The following PTPRN2 variants were observed in gnomAD, a reference collection of about 807,000 sequenced individuals.
The protein encoded by PTPRN2 is protein tyrosine phosphatase receptor type N2.
Under a neutral mutation model 118.8 loss-of-function variants are expected in PTPRN2, and 74 were observed. The observed-to-expected ratio is 0.62, with a 90% CI of 0.52 to 0.76. PTPRN2 has a LOEUF of 0.76. Ranked by LOEUF, PTPRN2 falls within the 30% of genes least tolerant of loss-of-function variation. The probability of loss-of-function intolerance (pLI) is 0.00; values close to 1 mark genes in which losing one functional copy is unlikely to be tolerated. For synonymous variants in PTPRN2, 641 were observed against 608.0 expected (o/e 1.05, Z -0.80); for missense variants, 1,481 against 1,394.4 (o/e 1.06, Z -0.99).
At chr7:158,264,329 T>A (rs1413922329) in intron 3 of PTPRN2, among the ~76,000 whole-genome samples, 1 of 152,076 alleles carries the variant, frequency 6.6e-6, no homozygotes, top group African/African-American at 2.4e-5. Flanking sequence ...AGTTAGACAA[T>A]CATTTACCAC....
chr7:157,751,674 G>C (rs1563072171), intron 12 of PTPRN2, among the ~76,000 whole-genome samples: 1 of 152,126 alleles, frequency 6.6e-6, no homozygotes, highest in Non-Finnish European at 1.5e-5. Context: ...CTGCACCGCT[G>C]ACACGCGGTG....
chr7:158,517,311 G>GC lies in PTPRN2; in HGVS notation c.113-27527dup. On this transcript the variant is annotated intron_variant, in intron 1 of 22. Transcript: ENST00000389418. This position sits in a 1 kb window ranked among gnomAD's most constrained non-coding sequence, Gnocchi z 5.3. ...TTGGAGGAGGCAGAGTGCGGGCAGCGCCCCCTCACAGAACCGCAGCAACGA... is the reference window on the plus strand; with the variant it reads ...TTGGAGGAGGCAGAGTGCGGGCAGCGCCCCCCTCACAGAACCGCAGCAACGA... Among the ~76,000 whole-genome samples, 1 of 152,276 alleles carries GC rather than the reference G, an allele frequency of 6.6e-6. No homozygotes were observed. Among genetic ancestry groups the GC allele is most frequent in the South Asian group, 2.1e-4 (1 of 4,828 alleles).
Position 158,205,390 on chromosome 7 carries a change from T to C in PTPRN2, c.278-117A>G, listed in dbSNP as rs113103903. ...TAAGTTGATGGTCCCATCAGCAAAGTAAGCCTCCCTCTCACTGCAGTTTAT... is the reference window on the plus strand; with the variant it reads ...TAAGTTGATGGTCCCATCAGCAAAGCAAGCCTCCCTCTCACTGCAGTTTAT... On this transcript the variant is annotated intron_variant, in intron 3 of 22. Coordinates refer to ENST00000389418, the MANE Select transcript of PTPRN2 (RefSeq NM_002847.5). 4 of 703,238 alleles carry C rather than the reference T, an allele frequency of 5.7e-6. No homozygotes were observed. The African/African-American group carries it at 7.0e-5, about 12-fold the overall frequency. 43.6% of individuals were successfully genotyped at this position (703,238 alleles called of 1,614,324 possible). A position where few individuals can be genotyped will look rare whatever the true frequency, so the allele number is the denominator to read the frequency against.
chr7:157,823,551 A>G (rs1357614588), intron 12 of PTPRN2, among the ~76,000 whole-genome samples: 1 of 152,126 alleles, frequency 6.6e-6, no homozygotes, highest in African/African-American at 2.4e-5. Context: ...GAGAGACTAG[A>G]ATTGGACTCC....
At chr7:158,270,835 A>ACGGC (rs1798349394) in intron 3 of PTPRN2, among the ~76,000 whole-genome samples, 2 of 4,828 alleles carry the variant, frequency 4.1e-4, no homozygotes, top group Admixed American at 3.3e-3. Context: ...CACCTGGATG[A>ACGGC]CCCCCTCACC....
chr7:158,362,109 C>T (rs1045906103), intron 2 of PTPRN2, among the ~76,000 whole-genome samples: 33 of 152,204 alleles, frequency 2.2e-4, no homozygotes, highest in Non-Finnish European at 4.4e-4. Flanking sequence ...ACAAACAGCC[C>T]AGCCCAGACT....
chr7:158,119,481 A>T (rs1816976413), intron 9 of PTPRN2, among the ~76,000 whole-genome samples: 3 of 152,198 alleles, frequency 2.0e-5, no homozygotes, highest in African/African-American at 7.2e-5. Flanking sequence ...ACTCCTCAAA[A>T]AAATGAAAAA....
At chr7:157,864,088 C>T (rs572570184) in intron 12 of PTPRN2, 18 of 152,398 alleles carry the variant, frequency 1.2e-4, no homozygotes, top group East Asian at 3.9e-4. Flanking sequence ...CTGCCGGCCA[C>T]GTGGTTTTGA....
In PTPRN2 at chr7:157,953,215, G is replaced by C. The variant is rs1349434070; in HGVS notation, c.1724-54478C>G. 6.6e-6 allele frequency among the ~76,000 whole-genome samples: 1 copy of C among 152,214 alleles called. No individual in the cohort carries two copies. Among genetic ancestry groups the C allele is most frequent in the Non-Finnish European group, 1.5e-5 (1 of 68,038 alleles). On this transcript the variant is annotated intron_variant, in intron 11 of 22. Transcript: ENST00000389418. This position sits in a 1 kb window ranked among gnomAD's most constrained non-coding sequence, Gnocchi z 4.6. The stretch of plus-strand genomic sequence containing the variant: ...TGCACAGAGTCCCCAGCAGCTCTGG[G>C]GAGGGCTCCGTGTTCAATATGTGAT...
At chr7:158,139,753 A>T (rs902639997) in intron 6 of PTPRN2, among the ~76,000 whole-genome samples, 1 of 152,200 alleles carries the variant, frequency 6.6e-6, no homozygotes, top group Non-Finnish European at 1.5e-5. Context: ...AGAGGCCGCC[A>T]GACACCCTGC....
At chr7:157,976,867 C>T (rs983233053) in intron 11 of PTPRN2, among the ~76,000 whole-genome samples, 3 of 151,860 alleles carry the variant, frequency 2.0e-5, no homozygotes, top group Non-Finnish European at 4.4e-5. Flanking sequence ...TACTAAGTCA[C>T]AGAGGATATA....
intron 13 of PTPRN2, among the ~76,000 whole-genome samples, chr7:157,667,713 A>C (rs1223553347): frequency 6.6e-6 from 1 of 152,234 alleles, no homozygotes; most frequent in East Asian, 1.9e-4. Context: ...CGCAAAACTC[A>C]ATGTGATGCT....
At chr7:158,146,529 G>C (rs558133374) in intron 6 of PTPRN2, among the ~76,000 whole-genome samples, 176 of 152,080 alleles carry the variant, frequency 1.2e-3, no homozygotes, top group African/African-American at 3.8e-3. Context: ...AGACCATCCT[G>C]ACTAACATGG....
intron 5 of PTPRN2, among the ~76,000 whole-genome samples, chr7:158,168,767 G>C (rs1303265276): frequency 6.6e-6 from 1 of 152,140 alleles, no homozygotes; most frequent in Admixed American, 6.5e-5. Flanking sequence ...TCCGTTAAGA[G>C]GACATGTCCT....
intron 11 of PTPRN2, among the ~76,000 whole-genome samples, chr7:157,910,151 C>CA (rs1290893071): frequency 6.6e-6 from 1 of 152,286 alleles, no homozygotes; most frequent in African/African-American, 2.4e-5. Context: ...TACCGGCTGC[C>CA]AGCCATGAGC....
At chr7:157,976,037 G>C (rs1159720819) in intron 11 of PTPRN2, among the ~76,000 whole-genome samples, 2 of 152,206 alleles carry the variant, frequency 1.3e-5, no homozygotes, top group Non-Finnish European at 2.9e-5. Context: ...CCCAGCACAG[G>C]GCCCTCCCTC....
intron 2 of PTPRN2, among the ~76,000 whole-genome samples, chr7:158,478,753 C>T (rs1181748552): frequency 3.3e-5 from 5 of 152,206 alleles, no homozygotes; most frequent in Admixed American, 6.5e-5. Flanking sequence ...CTTGTGTACA[C>T]GCCGTACAGA....
chr7:157,927,380 CT>C (rs1799075353), intron 11 of PTPRN2, among the ~76,000 whole-genome samples: 2 of 112,812 alleles, frequency 1.8e-5, no homozygotes, highest in Admixed American at 9.1e-5. Context: ...TGCTGGGACC[CT>C]GAAGACAGGA....
chr7:158,450,266 C>T (rs1387714826), intron 2 of PTPRN2, among the ~76,000 whole-genome samples: 1 of 152,256 alleles, frequency 6.6e-6, no homozygotes, highest in Non-Finnish European at 1.5e-5. Flanking sequence ...CTCCCAGCAC[C>T]ATCCCCTGGG....
Sources: allele counts gnomAD v4.1 joint callset (sites outside exome capture counted in the v4.1 genomes callset), GRCh38; gene constraint gnomAD v4.1.1; non-coding constraint Gnocchi (gnomAD v3.1); transcripts MANE v1.5; gene names NCBI Gene and HGNC (gene_info 2026-07-23, HGNC 2026-07-21).